GLIS1: variants seen among roughly 807,000 people sequenced by gnomAD.
The protein encoded by GLIS1 is GLIS family zinc finger 1.
GLIS1 carries 24 observed loss-of-function variants against 63.8 expected under a neutral mutation model. The observed-to-expected ratio is 0.38, with a 90% CI of 0.27 to 0.53. GLIS1 has a LOEUF of 0.53. GLIS1 is among the 20% of genes least tolerant of loss of function. GLIS1 has a pLI of 0.85. For missense variants in GLIS1, 1,036 were observed against 1,074.1 expected (o/e 0.96, Z 0.50); for synonymous variants, 450 against 482.5 (o/e 0.93, Z 0.88).
chr1:53,556,961 A>G (rs1039303955), intron 4 of GLIS1, among the ~76,000 whole-genome samples: 1 of 150,580 alleles, frequency 6.6e-6, no homozygotes, highest in Non-Finnish European at 1.5e-5. Flanking sequence ...GTGCAGGCAT[A>G]CTGCAGGTGT....
rs1269887336 is a variant in GLIS1 at position 53,600,354 on chromosome 1, T to A, written c.260-76A>T. The stretch of plus-strand genomic sequence containing the variant: ...GCAGAGGGGTATGGGGAGAGGGCAG[T>A]CCCTGGGGTACAGCAAGGGACAGGG... On this transcript the variant is annotated intron_variant, in intron 2 of 10. Transcript: ENST00000628545. The A allele has an allele frequency of 3.4e-5, 34 of 986,062 alleles. No homozygotes were observed. The East Asian group carries it at 1.1e-3, about 32-fold the overall frequency. The allele number at this position is 986,062 out of a possible 1,614,324, so 61.1% of individuals were successfully genotyped here.
chr1:53,581,186 T>A (rs751664808), intron 4 of GLIS1, among the ~76,000 whole-genome samples: 4 of 152,046 alleles, frequency 2.6e-5, no homozygotes, highest in Non-Finnish European at 5.9e-5. Context: ...GGGAGGGAAA[T>A]AGGGGTCAGG....
intron 2 of GLIS1, among the ~76,000 whole-genome samples, chr1:53,678,809 T>C (rs547919808): frequency 7.9e-5 from 12 of 152,270 alleles, no homozygotes; most frequent in African/African-American, 2.4e-4. Flanking sequence ...GACCTCAGTC[T>C]CCTTAACTGG....
At chr1:53,556,764 G>A (rs1238290678) in intron 4 of GLIS1, among the ~76,000 whole-genome samples, 1 of 149,242 alleles carries the variant, frequency 6.7e-6, no homozygotes, top group East Asian at 2.0e-4. Context: ...ATACTTGTTT[G>A]TGTGCAGGCA....
intron 4 of GLIS1, among the ~76,000 whole-genome samples, chr1:53,577,931 G>A (rs1384899067): frequency 1.3e-5 from 2 of 152,084 alleles, no homozygotes; most frequent in African/African-American, 2.4e-5. Flanking sequence ...CCATGCCAGT[G>A]CCTCCTCCTG....
intron 3 of GLIS1, among the ~76,000 whole-genome samples, chr1:53,596,924 C>T (rs928204079): frequency 1.3e-5 from 2 of 152,058 alleles, no homozygotes; most frequent in African/African-American, 4.8e-5. Flanking sequence ...ATGCTTTTCA[C>T]TCTGTGCTGG....
intron 4 of GLIS1, among the ~76,000 whole-genome samples, chr1:53,578,650 AG>A (rs2100488856): frequency 6.6e-6 from 1 of 152,358 alleles, no homozygotes; most frequent in South Asian, 2.1e-4. Context: ...AGGAAGCTCC[AG>A]GAAAATATAC....
At chr1:53,631,243 AT>A (rs1270152884) in intron 2 of GLIS1, among the ~76,000 whole-genome samples, 2 of 152,116 alleles carry the variant, frequency 1.3e-5, no homozygotes, top group Non-Finnish European at 1.5e-5. Context: ...ATACCTTCTA[AT>A]TTTTTGTGGG....
In GLIS1 at chr1:53,657,992, C is replaced by T. The variant is rs556874864; in HGVS notation, c.260-57714G>A. On this transcript the variant is annotated intron_variant, in intron 2 of 10. Transcript: ENST00000628545. ...TACTAGCCACATTCCACCTGGTCTCCAGCAACCTTGCTGGTGCTCAAAGCC... is the reference window on the plus strand; with the variant it reads ...TACTAGCCACATTCCACCTGGTCTCTAGCAACCTTGCTGGTGCTCAAAGCC... Among the ~76,000 whole-genome samples the T allele has an allele frequency of 5.3e-5, 8 of 152,260 alleles. No homozygotes were observed. The South Asian group carries it at 1.7e-3, about 32-fold the overall frequency.
chr1:53,681,814 G>T (rs1430527861), intron 2 of GLIS1, among the ~76,000 whole-genome samples: 4 of 148,834 alleles, frequency 2.7e-5, no homozygotes, highest in Non-Finnish European at 4.4e-5. Context: ...TGCTGTGGGT[G>T]GGTGGAGCAA....
intron 4 of GLIS1, among the ~76,000 whole-genome samples, chr1:53,565,490 T>C (rs562824736): frequency 6.6e-6 from 1 of 152,034 alleles, no homozygotes; most frequent in South Asian, 2.1e-4. Flanking sequence ...ATAATTTTTT[T>C]TAAAAAAGAA....
intron 2 of GLIS1, among the ~76,000 whole-genome samples, chr1:53,623,705 T>C (rs935997740): frequency 2.0e-5 from 3 of 152,114 alleles, no homozygotes; most frequent in African/African-American, 7.2e-5. Context: ...ATAATAAATA[T>C]TGCAAACATA....
At chr1:53,677,188 A>G (rs1280740732) in intron 2 of GLIS1, among the ~76,000 whole-genome samples, 5 of 152,232 alleles carry the variant, frequency 3.3e-5, no homozygotes, top group African/African-American at 9.7e-5. Flanking sequence ...TTCCATCAAC[A>G]GAGTGAGTGT....
At chr1:53,590,880 G>A (rs1279158665) in intron 4 of GLIS1, among the ~76,000 whole-genome samples, 1 of 152,178 alleles carries the variant, frequency 6.6e-6, no homozygotes, top group Non-Finnish European at 1.5e-5. Flanking sequence ...CTCAGGCAGA[G>A]GGGAGCTGGG....
intron 2 of GLIS1, among the ~76,000 whole-genome samples, chr1:53,720,754 T>C (rs1646745822): frequency 1.3e-5 from 2 of 152,298 alleles, no homozygotes; most frequent in South Asian, 2.1e-4. Context: ...TCCAAAAATA[T>C]GTACAACTAT....
chr1:53,715,890 C>T (rs916960633), intron 2 of GLIS1, among the ~76,000 whole-genome samples: 14 of 152,102 alleles, frequency 9.2e-5, no homozygotes, highest in African/African-American at 2.2e-4. Context: ...GAGAATGGGG[C>T]GGTGGCAGGA....
At chr1:53,530,003 C>A in intron 4 of GLIS1, 51 bp from the exon 5 acceptor site, 2 of 1,573,044 alleles carry the variant, frequency 1.3e-6, no homozygotes, top group East Asian at 4.5e-5. Flanking sequence ...GCACCCCAAC[C>A]CTGCATGGAA....
At chr1:53,577,495 AG>A (rs1645044054) in intron 4 of GLIS1, among the ~76,000 whole-genome samples, 2 of 152,196 alleles carry the variant, frequency 1.3e-5, no homozygotes, top group Admixed American at 1.3e-4. Flanking sequence ...CCCCATAGTA[AG>A]AACTATCACT....
intron 2 of GLIS1, among the ~76,000 whole-genome samples, chr1:53,632,841 G>T (rs1309384583): frequency 1.3e-5 from 2 of 149,282 alleles, no homozygotes; most frequent in Non-Finnish European, 3.0e-5. Flanking sequence ...TGACTAAGGG[G>T]CGTGTATGTA....
Sources: gnomAD v4.1 joint callset for allele counts (sites outside exome capture counted in the v4.1 genomes callset) on GRCh38, gnomAD v4.1.1 for gene constraint, MANE v1.5 for transcripts, NCBI Gene and HGNC (gene_info 2026-07-23, HGNC 2026-07-21) for gene names.